The following CELSR3 variants were observed in gnomAD, a reference collection of about 807,000 sequenced individuals.
The protein encoded by CELSR3 is cadherin EGF LAG seven-pass G-type receptor 3, also known as EGF-like protein 1.
In CELSR3, 73 loss-of-function variants were observed where a neutral mutation model predicts 270.0. The ratio of observed to expected loss-of-function variants is 0.27; its 90% CI spans 0.22 to 0.33. The LOEUF (loss-of-function observed/expected upper bound fraction) is 0.33, where lower values mean the gene tolerates loss of function less well. Among genes scored for constraint, CELSR3 ranks in the 10% least tolerant of loss-of-function variants. CELSR3 has a pLI of 1.00. For synonymous variants in CELSR3, 1,780 were observed against 1,905.4 expected (o/e 0.93, Z 1.71); for missense variants, 3,614 against 4,533.8 (o/e 0.80, Z 5.83).
chr3:48,660,036 C>T lies in CELSR3; in HGVS notation c.2599G>A (p.Val867Met), dbSNP rs1163821254. The change falls in exon 1 of 35, where the codon GTG becomes ATG. Residue 867 changes from valine to methionine, a missense_variant. This residue lies in a region of CELSR3 where 215 missense variants were observed against 241.2 expected (regional missense o/e 0.89). Coordinates refer to ENST00000164024, the MANE Select transcript of CELSR3 (RefSeq NM_001407.3). This position sits in a 1 kb window ranked among gnomAD's most constrained non-coding sequence, Gnocchi z 5.5. ...CTACCCATTGGCCGATCTTCATTCA[C>T]ACTCACTGAGTAGTGGGCACTTTGA... ...VFQSAHYSVS[V>M]NEDRPMGSTI... 3.1e-6 allele frequency: 5 copies of T among 1,614,230 alleles called. No homozygotes were observed. The highest frequency in any genetic ancestry group is 1.7e-5 in the Admixed American group (1 of 60,028).
chr3:48,641,727 G>T lies in CELSR3; in HGVS notation c.8824+124C>A. 2.8e-6 allele frequency: 3 copies of T among 1,067,094 alleles called. No homozygotes were observed. Among genetic ancestry groups the T allele is most frequent in the Non-Finnish European group, 2.6e-6 (2 of 763,990 alleles). The allele number at this position is 1,067,094 out of a possible 1,614,324, so 66.1% of individuals were successfully genotyped here. ...AGGTGGACAGAGACTAAAAGTTGGGGAACCTGATGACTGAGGGGTCAGAAA... is the reference window on the plus strand; with the variant it reads ...AGGTGGACAGAGACTAAAAGTTGGGTAACCTGATGACTGAGGGGTCAGAAA... On this transcript the variant is annotated intron_variant, in intron 32 of 34. Transcript: ENST00000164024. This position sits in a 1 kb window ranked among gnomAD's most constrained non-coding sequence, Gnocchi z 4.8.
Position 48,641,579 on chromosome 3 carries a change from A to T in CELSR3, c.8825-55T>A. 7.6e-7 allele frequency: 1 copy of T among 1,319,064 alleles called. No homozygotes were observed. The highest frequency in any genetic ancestry group is 1.1e-6 in the Non-Finnish European group (1 of 923,320). The allele number at this position is 1,319,064 out of a possible 1,614,324, so 81.7% of individuals were successfully genotyped here. ...TCTGGGTTGATCCCAGTGACTCATG[A>T]CCCCTGACCCTAATGACCCTTGAAA... On this transcript the variant is annotated intron_variant, in intron 32 of 34. Transcript: ENST00000164024. The surrounding 1 kb of genome is among the most constrained non-coding windows in gnomAD (Gnocchi z 4.8).
chr3:48,643,729 A>G (rs997019236), intron 27 of CELSR3, 52 bp from the exon 28 acceptor site: 1 of 1,541,414 alleles, frequency 6.5e-7, no homozygotes, highest in Non-Finnish European at 8.8e-7. Flanking sequence ...CTCATGTAGG[A>G]CTCATGCAGG....
rs766990934 is a variant in CELSR3 at position 48,657,365 on chromosome 3, G to GGGCAGT, written c.3749-23_3749-18dup. On this transcript the variant is annotated splice_polypyrimidine_tract_variant and intron_variant, in intron 1 of 34. Coordinates refer to ENST00000164024, the MANE Select transcript of CELSR3 (RefSeq NM_001407.3). This position sits in a 1 kb window ranked among gnomAD's most constrained non-coding sequence, Gnocchi z 5.4. Reference sequence around the variant, plus strand: ...GCAGGCCATCTGCAGGCGGGGGCAGGGGCAGTGGTCATCCTGGGGACAGTG... The same window carrying GGGCAGT: ...GCAGGCCATCTGCAGGCGGGGGCAGGGGCAGTGGCAGTGGTCATCCTGGGGACAGTG... 2 of 1,563,886 alleles carry GGGCAGT rather than the reference G, an allele frequency of 1.3e-6. No homozygotes were observed. The highest frequency in any genetic ancestry group is 2.3e-5 in the South Asian group (2 of 85,216).
rs1559474078 is a variant in CELSR3, at chr3:48,638,201, CCCCTCAGGAGTGA to C, written c.9930_*3del. ...AGCTGTTCCTCGTCCACGCCGTCAT[CCCCTCAGGAGTGA>C]CCCTCACTTCTGGGAACTCTGGAGG... On this transcript the variant is annotated stop_lost and 3_prime_UTR_variant, in exon 35 of 35. Transcript: ENST00000164024. 1 of 1,612,480 alleles carries C rather than the reference CCCCTCAGGAGTGA, an allele frequency of 6.2e-7. No homozygotes were observed. The highest frequency in any genetic ancestry group is 2.2e-5 in the East Asian group (1 of 44,866).
At position 48,659,518 on chromosome 3, in the gene CELSR3, T is replaced by C; in HGVS notation, c.3117A>G (p.Ala1039=). Residue 1039 remains alanine, a synonymous_variant, in exon 1 of 35, where the codon GCA becomes GCG. Coordinates refer to ENST00000164024, the MANE Select transcript of CELSR3 (RefSeq NM_001407.3). This position sits in a 1 kb window ranked among gnomAD's most constrained non-coding sequence, Gnocchi z 8.1. ...GGAGTGGGGGCACACCTCTGTCCAC[T>C]GCGTAGGCAGTCAACTCATACACTG... is the stretch of plus-strand genomic sequence containing the variant. ...AVSVYELTAY[A]VDRGVPPLRT... 2 of 1,614,200 alleles carry C rather than the reference T, an allele frequency of 1.2e-6. No homozygotes were observed. Among genetic ancestry groups the C allele is most frequent in the Non-Finnish European group, 1.7e-6 (2 of 1,180,046 alleles).
chr3:48,660,431 G>T lies in CELSR3; in HGVS notation c.2204C>A (p.Pro735Gln). Residue 735 changes from proline (P) to glutamine (Q), a missense_variant, in exon 1 of 35, where the codon CCA becomes CAA. Pro to Gln is a moderately conservative substitution (Grantham distance 76). Coordinates refer to ENST00000164024, the MANE Select transcript of CELSR3 (RefSeq NM_001407.3). This position sits in a 1 kb window ranked among gnomAD's most constrained non-coding sequence, Gnocchi z 5.5. ...GVEARDHGSP[P>Q]LSASASVTVT... ...GGTGACACTGGCTGAGGCAGAGAGT[G>T]GGGGTGAGCCATGGTCTCGAGCCTC... is the stretch of plus-strand genomic sequence containing the variant. 6.2e-7 allele frequency: 1 copy of T among 1,614,116 alleles called. No individual in the cohort carries two copies. The highest frequency in any genetic ancestry group is 8.5e-7 in the Non-Finnish European group (1 of 1,180,042).
At position 48,639,744 on chromosome 3, in the gene CELSR3, A is replaced by G; in HGVS notation, c.9841T>C (p.Ser3281Pro). 1 of 1,613,466 alleles carries G rather than the reference A, an allele frequency of 6.2e-7. No individual in the cohort carries two copies. The highest frequency in any genetic ancestry group is 2.2e-5 in the East Asian group (1 of 44,868). Reference protein sequence around the residue: ...HTTATPSATASVLGPSTPRSA... With the variant: ...HTTATPSATAPVLGPSTPRSA... ...CGTGGCGTGGAGGGCCCAAGCACAG[A>G]GGCTGTGGCAGAAGGTGTGGCAGTG... The change falls in exon 34 of 35, where the codon TCT (serine) becomes CCT (proline). Residue 3281 changes from serine to proline, a missense_variant. Ser to Pro is a moderately conservative substitution (Grantham distance 74). Around this residue, in one of 7 missense-constraint regions of CELSR3, gnomAD observed 1,240 missense variants for 1,351.7 expected, o/e 0.92. Coordinates refer to ENST00000164024, the MANE Select transcript of CELSR3 (RefSeq NM_001407.3). The surrounding 1 kb of genome is among the most constrained non-coding windows in gnomAD (Gnocchi z 4.1).
At position 48,654,793 on chromosome 3, in the gene CELSR3, C is replaced by G. The variant is rs1416771678; in HGVS notation, c.4988+251G>C. 6.7e-6 allele frequency among the ~76,000 whole-genome samples: 1 copy of G among 150,340 alleles called. No individual in the cohort carries two copies. The highest frequency in any genetic ancestry group is 1.5e-5 in the Non-Finnish European group (1 of 67,692). On this transcript the variant is annotated intron_variant, in intron 6 of 34. Transcript: ENST00000164024. The surrounding 1 kb of genome is among the most constrained non-coding windows in gnomAD (Gnocchi z 5.4). ...GAGGGGATGTGGGACATTAGTGAGA[C>G]TGGGGTGGGGAGGTGGAGGCTTTGG... is the stretch of plus-strand genomic sequence containing the variant.
chr3:48,641,659 T>C lies in CELSR3; in HGVS notation c.8825-135A>G. On this transcript the variant is annotated intron_variant, in intron 32 of 34. Transcript: ENST00000164024. The surrounding 1 kb of genome is among the most constrained non-coding windows in gnomAD (Gnocchi z 4.8). ...GAACAGGAGGGTATCTCCTCAGAGA[T>C]CAATGGGTGGGGGTGACTGGTGAGC... The C allele has an allele frequency of 1.2e-6, 1 of 818,174 alleles. No homozygotes were observed. The highest frequency in any genetic ancestry group is 2.7e-5 in the East Asian group (1 of 37,268). 50.7% of individuals were successfully genotyped at this position (818,174 alleles called of 1,614,324 possible).
In CELSR3 at chr3:48,656,146, G is replaced by A. The variant is rs1005457726; in HGVS notation, c.4619C>T (p.Ser1540Phe). 3 of 1,535,962 alleles carry A rather than the reference G, an allele frequency of 2.0e-6. No individual in the cohort carries two copies. The highest frequency in any genetic ancestry group is 2.6e-6 in the Non-Finnish European group (3 of 1,147,026). The change falls in exon 3 of 35, where the codon TCC becomes TTC. Residue 1540 changes from serine to phenylalanine, a missense_variant. By Grantham distance (155) the Ser-to-Phe change is radical. Coordinates refer to ENST00000164024, the MANE Select transcript of CELSR3 (RefSeq NM_001407.3). ...ACACGGGGCGGGCACCTACGAGAGG[G>A]ACAGCGTAAGGTGGAATCGCTGCCG... ...GLRQRFHLTL[S>F]LSFATVQQSG...
rs1003465663 is a variant in CELSR3 at position 48,647,949 on chromosome 3, G to A, written c.7021C>T (p.Arg2341Cys). The A allele has an allele frequency of 1.3e-5, 21 of 1,611,966 alleles. No homozygotes were observed. The highest frequency in any genetic ancestry group is 6.7e-5 in the Admixed American group (4 of 59,974). Residue 2341 changes from arginine to cysteine, a missense_variant, in exon 20 of 35, where the codon CGT (arginine) becomes TGT (cysteine). Around this residue, in one of 7 missense-constraint regions of CELSR3, gnomAD observed 1,240 missense variants for 1,351.7 expected, o/e 0.92. Coordinates refer to ENST00000164024, the MANE Select transcript of CELSR3 (RefSeq NM_001407.3). Reference sequence around the variant, plus strand: ...TTGCTATGGTAGCGAGGGTAGCGACGGGCCCCCCGGGGAGAACTGGGGTGC... The same window carrying A: ...TTGCTATGGTAGCGAGGGTAGCGACAGGCCCCCCGGGGAGAACTGGGGTGC... ...MEHPSSPRGA[R>C]RYPRYHSNLF...
intron 28 of CELSR3, chr3:48,643,302 G>T (rs2047047062): frequency 1.6e-6 from 1 of 631,172 alleles, no homozygotes; most frequent in Non-Finnish European, 2.7e-6. Flanking sequence ...TCAGCAAGGG[G>T]TCGGGAGCCT....
rs1177009787 is a variant in CELSR3, at chr3:48,646,503, T to C, written c.7296-246A>G. ...CTACCCCCATCAGTCAGCCTGTCCT[T>C]GTCTGTCTCTGTCAGCCCTTTGGTC... On this transcript the variant is annotated intron_variant, in intron 21 of 34. Transcript: ENST00000164024. This position sits in a 1 kb window ranked among gnomAD's most constrained non-coding sequence, Gnocchi z 4.8. Among the ~76,000 whole-genome samples the C allele has an allele frequency of 6.6e-6, 1 of 152,196 alleles. No individual in the cohort carries two copies. Among genetic ancestry groups the C allele is most frequent in the African/African-American group, 2.4e-5 (1 of 41,444 alleles).
chr3:48,652,610 T>G lies in CELSR3; in HGVS notation c.5635-57A>C. ...AGAGGGGCCTGATGAACCCCTGTCA[T>G]AGCCCAGAGTCAGTCTTGGCCTTCT... On this transcript the variant is annotated intron_variant, in intron 10 of 34. Transcript: ENST00000164024. The surrounding 1 kb of genome is among the most constrained non-coding windows in gnomAD (Gnocchi z 4.3). 2 of 1,354,954 alleles carry G rather than the reference T, an allele frequency of 1.5e-6. No individual in the cohort carries two copies. Among genetic ancestry groups the G allele is most frequent in the South Asian group, 2.6e-5 (2 of 75,984 alleles). 83.9% of individuals were successfully genotyped at this position (1,354,954 alleles called of 1,614,324 possible).
chr3:48,642,731 C>T lies in CELSR3; in HGVS notation c.8555+5G>A, dbSNP rs367991837. The T allele has an allele frequency of 6.2e-6, 10 of 1,608,342 alleles. No homozygotes were observed. The highest frequency in any genetic ancestry group is 1.9e-4 in the Middle Eastern group (1 of 5,224). ...GTTCCCTCACAAGGAGGCTCTTCCTCTCACCTGAGGTAGCTGCGGCCCCGC... is the reference window on the plus strand; with the variant it reads ...GTTCCCTCACAAGGAGGCTCTTCCTTTCACCTGAGGTAGCTGCGGCCCCGC... On this transcript the variant is annotated splice_donor_5th_base_variant and intron_variant, in intron 30 of 34. Coordinates refer to ENST00000164024, the MANE Select transcript of CELSR3 (RefSeq NM_001407.3). The surrounding 1 kb of genome is among the most constrained non-coding windows in gnomAD (Gnocchi z 6.1).
rs529260845 is a variant in CELSR3, at chr3:48,657,632, C to T, written c.3749-284G>A. ...TGCCCATGGGTTAGCAAGTCACTCC[C>T]GCAACAGCACTCAAGTACCCTAAGT... is the stretch of plus-strand genomic sequence containing the variant. On this transcript the variant is annotated intron_variant, in intron 1 of 34. Transcript: ENST00000164024. This position sits in a 1 kb window ranked among gnomAD's most constrained non-coding sequence, Gnocchi z 5.4. 5.3e-5 allele frequency among the ~76,000 whole-genome samples: 8 copies of T among 152,164 alleles called. No individual in the cohort carries two copies. Among genetic ancestry groups the T allele is most frequent in the African/African-American group, 1.9e-4 (8 of 41,428 alleles).
Position 48,644,624 on chromosome 3 carries a change from T to C in CELSR3, c.8085+92A>G, listed in dbSNP as rs2047062447. On this transcript the variant is annotated intron_variant, in intron 26 of 34. Coordinates refer to ENST00000164024, the MANE Select transcript of CELSR3 (RefSeq NM_001407.3). The surrounding 1 kb of genome is among the most constrained non-coding windows in gnomAD (Gnocchi z 4.8). The stretch of plus-strand genomic sequence containing the variant: ...GGCCGAGCCCAGGAAGCCTGCAGAA[T>C]GCCACCTGACCGCCCTCAGCTGAGT... The C allele has an allele frequency of 4.0e-6, 4 of 991,390 alleles. No homozygotes were observed. The highest frequency in any genetic ancestry group is 4.2e-5 in the Admixed American group (2 of 47,646). The allele number at this position is 991,390 out of a possible 1,614,324, so 61.4% of individuals were successfully genotyped here.
At chr3:48,643,775 C>T (rs531367176) in intron 27 of CELSR3, 98 bp from the exon 28 acceptor site, 14 of 1,416,390 alleles carry the variant, frequency 9.9e-6, no homozygotes, top group Middle Eastern at 1.8e-4. Flanking sequence ...ACACACGAAA[C>T]GTGAAAAAAA....
Sources: allele counts gnomAD v4.1 joint callset (sites outside exome capture counted in the v4.1 genomes callset), GRCh38; gene constraint gnomAD v4.1.1; regional missense constraint gnomAD v4.1.1; non-coding constraint Gnocchi (gnomAD v3.1); transcripts MANE v1.5; gene names NCBI Gene and HGNC (gene_info 2026-07-23, HGNC 2026-07-21).